Variants in SAMD3 observed in about 807,000 individuals in gnomAD.
SAMD3 encodes the protein sterile alpha motif domain containing 3.
Under a neutral mutation model 58.5 loss-of-function variants are expected in SAMD3, and 63 were observed. The ratio of observed to expected loss-of-function variants is 1.08; its 90% CI spans 0.88 to 1.33. SAMD3 has a LOEUF of 1.33. Ranked by LOEUF, SAMD3 falls within the 40% of genes most tolerant of loss-of-function variation. SAMD3 has a pLI of 0.00. For synonymous variants in SAMD3, 220 were observed against 210.3 expected, an observed-to-expected ratio of 1.05 and a Z score of -0.40; for missense variants, 604 against 608.4, an observed-to-expected ratio of 0.99 and a Z score of 0.08.
At chr6:130,197,069 CA>C (rs1298380594) in intron 5 of SAMD3, among the ~76,000 whole-genome samples, 3 of 152,184 alleles carry the variant, frequency 2.0e-5, no homozygotes, top group African/African-American at 7.2e-5. Flanking sequence ...CACACCTCAC[CA>C]AGCTCAGCCA....
At chr6:130,197,066 C>T (rs1312787931) in intron 5 of SAMD3, among the ~76,000 whole-genome samples, 4 of 152,230 alleles carry the variant, frequency 2.6e-5, no homozygotes, top group Admixed American at 6.5e-5. Flanking sequence ...AAACACACCT[C>T]ACCAAGCTCA....
chr6:130,343,729 C>T (rs543946876), intron 1 of SAMD3, among the ~76,000 whole-genome samples: 5 of 152,300 alleles, frequency 3.3e-5, no homozygotes, highest in African/African-American at 4.8e-5. Flanking sequence ...CTTTGAGAGG[C>T]TGAGTTGGGT....
rs867661182 is a variant in SAMD3, at chr6:130,184,369, A to C, written c.569+69T>G. 4 of 1,450,418 alleles carry C rather than the reference A, an allele frequency of 2.8e-6. No individual in the cohort carries two copies. In the Middle Eastern group the frequency reaches 5.3e-4, roughly 193 times the overall value. The allele number at this position is 1,450,418 out of a possible 1,614,324, so 89.8% of individuals were successfully genotyped here. On this transcript the variant is annotated intron_variant, in intron 6 of 11. Transcript: ENST00000439090. ...CCACAATCTGAAGAGAGTTGATTCC[A>C]CAGGAATTCTACTCTATTCTGAAAC...
At chr6:130,335,894 C>T (rs1429921083) in intron 1 of SAMD3, among the ~76,000 whole-genome samples, 1 of 151,874 alleles carries the variant, frequency 6.6e-6, no homozygotes, top group African/African-American at 2.4e-5. Context: ...AATCATCATT[C>T]TCAGTAAACT....
chr6:130,143,189 A>G (rs560174617), downstream of SAMD3: 23 of 152,366 alleles, frequency 1.5e-4, 2 homozygotes, highest in African/African-American at 5.5e-4. Flanking sequence ...AGTTATTTCC[A>G]GAGATGGGTA....
chr6:130,215,439 A>T, intron 2 of SAMD3, 145 bp from the exon 3 acceptor site: 1 of 1,260,148 alleles, frequency 7.9e-7, no homozygotes. Flanking sequence ...TTTACAATGT[A>T]CATTTAAAAA....
intron 1 of SAMD3, among the ~76,000 whole-genome samples, chr6:130,219,791 G>A (rs1189804593): frequency 1.3e-5 from 2 of 152,148 alleles, no homozygotes; most frequent in Admixed American, 6.5e-5. Flanking sequence ...TGAAACAGCC[G>A]TTTTTGCACA....
At chr6:130,311,451 C>G (rs1776157732) in intron 2 of SAMD3, among the ~76,000 whole-genome samples, 1 of 152,104 alleles carries the variant, frequency 6.6e-6, no homozygotes, top group African/African-American at 2.4e-5. Context: ...GAGCAGTATT[C>G]CGAAGTTTTC....
At chr6:130,210,513 C>T in intron 4 of SAMD3, among the ~76,000 whole-genome samples, 1 of 151,018 alleles carries the variant, frequency 6.6e-6, no homozygotes, top group East Asian at 2.0e-4. Flanking sequence ...GCAGGAGAAT[C>T]ACTTGAACCT....
upstream of SAMD3, among the ~76,000 whole-genome samples, chr6:130,224,585 C>CTATT (rs1014142643): frequency 1.4e-5 from 2 of 142,644 alleles, no homozygotes; most frequent in Non-Finnish European, 1.5e-5. Flanking sequence ...CAAAAGCACT[C>CTATT]TATTTATTTA....
At chr6:130,329,944 T>A (rs558528463) in intron 1 of SAMD3, among the ~76,000 whole-genome samples, 439 of 151,888 alleles carry the variant, frequency 2.9e-3, no homozygotes, top group Non-Finnish European at 4.4e-3. Flanking sequence ...AGGGAGAGCA[T>A]TAGGACAAAC....
chr6:130,365,147 C>T (rs1778100846), exon 1 of SAMD3: 3 of 981,266 alleles, frequency 3.1e-6, no homozygotes, highest in South Asian at 9.4e-5. Flanking sequence ...ATACAGTCAT[C>T]ACCGTCTTTG....
chr6:130,149,323 C>T (rs1037567638), intron 9 of SAMD3, among the ~76,000 whole-genome samples: 3 of 152,196 alleles, frequency 2.0e-5, no homozygotes, highest in Non-Finnish European at 4.4e-5. Flanking sequence ...TTGGAGATTT[C>T]TCAAAGAACT....
chr6:130,244,765 AT>A (rs1773484978), intron 2 of SAMD3, among the ~76,000 whole-genome samples: 1 of 151,382 alleles, frequency 6.6e-6, no homozygotes, highest in African/African-American at 2.4e-5. Flanking sequence ...AAAAATAAAA[AT>A]AAAAATAAAA....
At chr6:130,215,068 G>T in intron 3 of SAMD3, 127 bp downstream of exon 3, 1 of 529,810 alleles carries the variant, frequency 1.9e-6, no homozygotes, top group Non-Finnish European at 3.4e-6. Flanking sequence ...GTTCTCTACT[G>T]CAGCAACCCC....
intron 2 of SAMD3, among the ~76,000 whole-genome samples, chr6:130,307,880 A>T (rs1775962183): frequency 6.6e-6 from 1 of 152,214 alleles, no homozygotes; most frequent in African/African-American, 2.4e-5. Context: ...GATTGTAAAA[A>T]ACCAGTTTGT....
rs146604721 is a variant in SAMD3 at position 130,300,994 on chromosome 6, G to T, written c.-188+11984C>A. On this transcript the variant is annotated intron_variant, in intron 2 of 13. Transcript: ENST00000368134. ...CAGCCCCCCACCTCCAACCAGCCCC[G>T]GTGTCTGATGTTCCCCGCCCTGTGT... Among the ~76,000 whole-genome samples, 3 of 151,700 alleles carry T rather than the reference G, an allele frequency of 2.0e-5. No homozygotes were observed. In the East Asian group the frequency reaches 5.8e-4, roughly 29 times the overall value.
chr6:130,264,355 T>C (rs931321668), intron 2 of SAMD3, among the ~76,000 whole-genome samples: 1 of 152,200 alleles, frequency 6.6e-6, no homozygotes, highest in African/African-American at 2.4e-5. Flanking sequence ...ATAGCATTCC[T>C]TGGAGACCTG....
At chr6:130,201,672 G>A (rs187330875) in intron 5 of SAMD3, among the ~76,000 whole-genome samples, 7 of 152,238 alleles carry the variant, frequency 4.6e-5, no homozygotes, top group African/African-American at 1.7e-4. Context: ...CATCTTCTCT[G>A]CCTCTATCAC....
Sources: gnomAD v4.1 joint callset for allele counts (sites outside exome capture counted in the v4.1 genomes callset) on GRCh38, gnomAD v4.1.1 for gene constraint, MANE v1.5 for transcripts, NCBI Gene and HGNC (gene_info 2026-07-23, HGNC 2026-07-21) for gene names.